The following RBMS3 variants were observed in gnomAD, a reference collection of about 807,000 sequenced individuals.
RBMS3 encodes the protein RNA-binding motif, single-stranded-interacting protein 3.
Under a neutral mutation model 66.8 loss-of-function variants are expected in RBMS3, and 27 were observed. The ratio of observed to expected loss-of-function variants is 0.40; its 90% CI spans 0.30 to 0.56. The LOEUF (loss-of-function observed/expected upper bound fraction) is 0.56, where lower values mean the gene tolerates loss of function less well. Ranked by LOEUF, RBMS3 falls within the 20% of genes least tolerant of loss-of-function variation. The probability of loss-of-function intolerance (pLI) is 0.40; values close to 1 mark genes in which losing one functional copy is unlikely to be tolerated. For missense variants in RBMS3, 513 were observed against 549.5 expected (o/e 0.93, Z 0.66); for synonymous variants, 188 against 183.0 (o/e 1.03, Z -0.22).
In RBMS3 at chr3:29,448,867, G is replaced by C. The variant is rs1291239252; in HGVS notation, c.248+13952G>C. Among the ~76,000 whole-genome samples, 4 of 152,172 alleles carry C rather than the reference G, an allele frequency of 2.6e-5. No individual in the cohort carries two copies. The East Asian group carries it at 7.7e-4, about 29-fold the overall frequency. On this transcript the variant is annotated intron_variant, in intron 2 of 14. Coordinates refer to ENST00000383767, the MANE Select transcript of RBMS3 (RefSeq NM_001003793.3). ...GGCACTAAGAGGTTAAACAATTTCT[G>C]AAGTTTTAATACTTACTGACATTTA...
chr3:29,699,131 AAAG>A (rs1382158012), intron 4 of RBMS3, among the ~76,000 whole-genome samples: 1 of 152,172 alleles, frequency 6.6e-6, no homozygotes, highest in African/African-American at 2.4e-5. Context: ...TACCTTCTTG[AAAG>A]AAGGTTTCAA....
intron 3 of RBMS3, among the ~76,000 whole-genome samples, chr3:29,549,847 G>C (rs1305546138): frequency 6.6e-6 from 1 of 151,574 alleles, no homozygotes; most frequent in African/African-American, 2.4e-5. Flanking sequence ...TTTTTTTCTA[G>C]CTTTACGTGA....
At chr3:29,764,499 A>G (rs1180970672) in intron 6 of RBMS3, among the ~76,000 whole-genome samples, 1 of 151,928 alleles carries the variant, frequency 6.6e-6, no homozygotes, top group African/African-American at 2.4e-5. Context: ...CATCCAACGG[A>G]TACCTATTTA....
intron 1 of RBMS3, among the ~76,000 whole-genome samples, chr3:29,386,441 C>G (rs1317528060): frequency 6.6e-6 from 1 of 152,092 alleles, no homozygotes; most frequent in Admixed American, 6.5e-5. Flanking sequence ...ACCTCCCAAC[C>G]CTTCCATACT....
At chr3:29,811,362 G>A (rs4680850) in intron 6 of RBMS3, among the ~76,000 whole-genome samples, 81,499 of 151,956 alleles carry the variant, frequency 0.54, 22,524 homozygotes, top group African/African-American at 0.62. Flanking sequence ...CAGCTGTCCA[G>A]TAAGCAGCCT....
intron 1 of RBMS3, among the ~76,000 whole-genome samples, chr3:29,375,515 CAAAT>C (rs1283368712): frequency 4.6e-5 from 7 of 152,110 alleles, no homozygotes; most frequent in Admixed American, 3.9e-4. Context: ...AAGAAGAAAA[CAAAT>C]AACCCCATTA....
At chr3:29,679,905 T>TG (rs1159690625) in intron 4 of RBMS3, among the ~76,000 whole-genome samples, 1 of 143,666 alleles carries the variant, frequency 7.0e-6, no homozygotes, top group Middle Eastern at 3.2e-3. Flanking sequence ...TGTTTTAGCA[T>TG]GCCTGTCTAG....
At chr3:29,720,976 A>G (rs182986044) in intron 4 of RBMS3, among the ~76,000 whole-genome samples, 3 of 152,296 alleles carry the variant, frequency 2.0e-5, no homozygotes, top group Non-Finnish European at 4.4e-5. Context: ...TGAAGGTTTT[A>G]TAGAAAAAGT....
At chr3:29,890,814 A>G (rs77649571) in intron 8 of RBMS3, among the ~76,000 whole-genome samples, 1 of 151,598 alleles carries the variant, frequency 6.6e-6, no homozygotes, top group Non-Finnish European at 1.5e-5. Flanking sequence ...GGGCCAACAC[A>G]GTAGTGGGAA....
chr3:29,343,563 G>T (rs1238301366), intron 1 of RBMS3, among the ~76,000 whole-genome samples: 1 of 151,916 alleles, frequency 6.6e-6, no homozygotes, highest in Non-Finnish European at 1.5e-5. Context: ...TATTTTGTAT[G>T]TAGTATCAAA....
intron 1 of RBMS3, among the ~76,000 whole-genome samples, chr3:29,360,061 A>G (rs1271151084): frequency 5.3e-5 from 8 of 151,878 alleles, no homozygotes; most frequent in Admixed American, 5.2e-4. Context: ...TTCTGCTCTG[A>G]TCTTAGTTAT....
intron 10 of RBMS3, among the ~76,000 whole-genome samples, chr3:29,926,582 G>T (rs1224353361): frequency 6.6e-6 from 1 of 152,200 alleles, no homozygotes; most frequent in African/African-American, 2.4e-5. Context: ...CCTTGAAAAG[G>T]ATTTGCAAGC....
chr3:29,610,459 A>G (rs572314229), intron 4 of RBMS3, among the ~76,000 whole-genome samples: 75 of 152,102 alleles, frequency 4.9e-4, no homozygotes, highest in Middle Eastern at 3.4e-3. Flanking sequence ...TTGCAGGACC[A>G]TTTTGAGGGA....
intron 12 of RBMS3, among the ~76,000 whole-genome samples, chr3:29,950,647 T>C (rs1485947036): frequency 6.6e-6 from 1 of 151,834 alleles, no homozygotes; most frequent in Non-Finnish European, 1.5e-5. Flanking sequence ...CTATGTTAAA[T>C]TAGTTAATCA....
chr3:29,672,063 G>A (rs1323465945), intron 4 of RBMS3, among the ~76,000 whole-genome samples: 1 of 152,154 alleles, frequency 6.6e-6, no homozygotes, highest in Non-Finnish European at 1.5e-5. Flanking sequence ...ATAAATGGAA[G>A]CCCATCAGAC....
At chr3:29,323,955 G>A (rs1273063190) in intron 1 of RBMS3, among the ~76,000 whole-genome samples, 1 of 150,190 alleles carries the variant, frequency 6.7e-6, no homozygotes, top group Admixed American at 6.7e-5. Flanking sequence ...GTTCAAACAG[G>A]GCTCTCAAAT....
At chr3:29,470,024 TTAAAA>T (rs1210850376) in intron 2 of RBMS3, among the ~76,000 whole-genome samples, 1 of 147,388 alleles carries the variant, frequency 6.8e-6, no homozygotes, top group Admixed American at 6.8e-5. Context: ...AATTCAATGA[TTAAAA>T]TATATAAAAG....
At chr3:29,716,534 A>C (rs977395332) in intron 4 of RBMS3, among the ~76,000 whole-genome samples, 61 of 152,180 alleles carry the variant, frequency 4.0e-4, no homozygotes, top group African/African-American at 1.4e-3. Flanking sequence ...GTTTTCCTTC[A>C]GTTCTTTTCT....
intron 4 of RBMS3, among the ~76,000 whole-genome samples, chr3:29,627,758 C>G (rs2049124728): frequency 6.6e-6 from 1 of 152,132 alleles, no homozygotes; most frequent in African/African-American, 2.4e-5. Context: ...ATGTGGTAAG[C>G]ACTCTATGCA....
Sources: gnomAD v4.1 joint callset for allele counts (sites outside exome capture counted in the v4.1 genomes callset) on GRCh38, gnomAD v4.1.1 for gene constraint, MANE v1.5 for transcripts, NCBI Gene and HGNC (gene_info 2026-07-23, HGNC 2026-07-21) for gene names.